AFG1L: variants seen among roughly 807,000 people sequenced by gnomAD.
AFG1L encodes the protein AFG1 like ATPase.
In AFG1L, 53 loss-of-function variants were observed where a neutral mutation model predicts 62.2. The ratio of observed to expected loss-of-function variants is 0.85; its 90% CI spans 0.68 to 1.07. The LOEUF (loss-of-function observed/expected upper bound fraction) is 1.07, where lower values mean the gene tolerates loss of function less well. Ranked by LOEUF, AFG1L falls within the 50% of genes least tolerant of loss-of-function variation. The pLI is 0.00. For synonymous variants in AFG1L, 228 were observed against 210.3 expected (o/e 1.08, Z -0.73); for missense variants, 555 against 590.5 (o/e 0.94, Z 0.62).
intron 10 of AFG1L, among the ~76,000 whole-genome samples, chr6:108,483,820 C>G (rs1773419802): frequency 6.6e-6 from 1 of 152,188 alleles, no homozygotes; most frequent in Non-Finnish European, 1.5e-5. Flanking sequence ...GAAAGCCCAT[C>G]ACATAAGTGT....
chr6:108,347,330 G>T (rs1778903396), intron 3 of AFG1L, among the ~76,000 whole-genome samples: 1 of 152,066 alleles, frequency 6.6e-6, no homozygotes, highest in Non-Finnish European at 1.5e-5. Context: ...CTACAGATAG[G>T]TTATTAGACA....
At chr6:108,492,660 A>G (rs77082672) in intron 10 of AFG1L, among the ~76,000 whole-genome samples, 1 of 152,196 alleles carries the variant, frequency 6.6e-6, no homozygotes, top group African/African-American at 2.4e-5. Flanking sequence ...GAGTTATTAC[A>G]ACATTATTTT....
intron 3 of AFG1L, among the ~76,000 whole-genome samples, chr6:108,349,013 G>A (rs1345404815): frequency 2.6e-5 from 4 of 152,124 alleles, no homozygotes; most frequent in Non-Finnish European, 5.9e-5. Context: ...TCATCTGAGT[G>A]TTTGAAAGCA....
intron 1 of AFG1L, among the ~76,000 whole-genome samples, chr6:108,298,940 G>A (rs1048034516): frequency 2.0e-5 from 3 of 152,004 alleles, no homozygotes; most frequent in African/African-American, 7.2e-5. Context: ...GCTGAGGGAG[G>A]GAATTCAGAG....
chr6:108,510,635 C>T (rs1441414835), intron 11 of AFG1L, among the ~76,000 whole-genome samples: 1 of 152,230 alleles, frequency 6.6e-6, no homozygotes, highest in African/African-American at 2.4e-5. Context: ...GTAAAGCTCC[C>T]ATCACAAGAC....
At chr6:108,458,379 C>A (rs1196614967) in intron 8 of AFG1L, among the ~76,000 whole-genome samples, 1 of 151,892 alleles carries the variant, frequency 6.6e-6, no homozygotes, top group Non-Finnish European at 1.5e-5. Context: ...TGGGTAGTTT[C>A]TTTTGCAGTG....
chr6:108,359,118 A>C (rs1459659417), intron 5 of AFG1L: 1 of 152,224 alleles, frequency 6.6e-6, no homozygotes. Flanking sequence ...TCCTTATACC[A>C]ACATAGTCGT....
intron 5 of AFG1L, among the ~76,000 whole-genome samples, chr6:108,361,155 T>C (rs1055874721): frequency 1.3e-5 from 2 of 152,248 alleles, no homozygotes; most frequent in African/African-American, 4.8e-5. Context: ...GAAACTTGTT[T>C]ATACTGGCAT....
chr6:108,344,319 G>A lies in AFG1L; in HGVS notation c.364-2669G>A, dbSNP rs142151732. ...GAAGAGACAGGGTTTGACCATGTTG[G>A]CCAGGCTGGTCTTGAACTCCTGACC... On this transcript the variant is annotated intron_variant, in intron 2 of 12. Transcript: ENST00000368977. 1.1e-4 allele frequency among the ~76,000 whole-genome samples: 16 copies of A among 152,214 alleles called. No individual in the cohort carries two copies. In the East Asian group the frequency reaches 2.9e-3, roughly 28 times the overall value.
intron 8 of AFG1L, among the ~76,000 whole-genome samples, chr6:108,462,444 G>A (rs1394156728): frequency 1.3e-5 from 2 of 152,044 alleles, no homozygotes; most frequent in Non-Finnish European, 2.9e-5. Flanking sequence ...TCACAAAATT[G>A]TACATTTGGT....
intron 6 of AFG1L, among the ~76,000 whole-genome samples, chr6:108,398,451 T>G (rs1781411245): frequency 6.6e-6 from 1 of 152,212 alleles, no homozygotes; most frequent in South Asian, 2.1e-4. Context: ...CAGAAGCTTT[T>G]TAACCTGATG....
intron 11 of AFG1L, among the ~76,000 whole-genome samples, chr6:108,516,634 G>A (rs1774906231): frequency 6.6e-6 from 1 of 152,164 alleles, no homozygotes; most frequent in Non-Finnish European, 1.5e-5. Context: ...TCAACATAGT[G>A]TTGGAAGTTC....
intron 7 of AFG1L, among the ~76,000 whole-genome samples, chr6:108,435,008 G>A (rs534004965): frequency 1.3e-5 from 2 of 152,178 alleles, no homozygotes; most frequent in Non-Finnish European, 2.9e-5. Flanking sequence ...ATCCTGTTCT[G>A]ATTCTTAACC....
At chr6:108,511,260 G>GCT (rs1049486656) in intron 11 of AFG1L, among the ~76,000 whole-genome samples, 4 of 151,986 alleles carry the variant, frequency 2.6e-5, no homozygotes, top group African/African-American at 4.8e-5. Context: ...GAATATTGAA[G>GCT]CTCTCTCTCT....
intron 1 of AFG1L, among the ~76,000 whole-genome samples, chr6:108,304,718 T>G (rs1274363042): frequency 1.3e-5 from 2 of 152,240 alleles, no homozygotes; most frequent in Non-Finnish European, 2.9e-5. Context: ...CCTTATATAG[T>G]TTTGATTTCA....
At chr6:108,425,418 G>A (rs1328712706) in intron 7 of AFG1L, among the ~76,000 whole-genome samples, 2 of 150,862 alleles carry the variant, frequency 1.3e-5, no homozygotes, top group South Asian at 2.1e-4. Flanking sequence ...AATAGTGTAT[G>A]TGTGTGTGTG....
chr6:108,437,204 G>C (rs886229318), intron 7 of AFG1L, among the ~76,000 whole-genome samples: 5 of 152,086 alleles, frequency 3.3e-5, no homozygotes, highest in Non-Finnish European at 5.9e-5. Context: ...CAAATATTTA[G>C]ACCATAGCAG....
intron 2 of AFG1L, among the ~76,000 whole-genome samples, chr6:108,328,290 ATGT>A (rs1295188681): frequency 4.6e-5 from 7 of 152,216 alleles, no homozygotes; most frequent in Non-Finnish European, 8.8e-5. Flanking sequence ...AGGAAACAAC[ATGT>A]TGTACTCAAC....
chr6:108,403,065 C>T (rs778563699), intron 7 of AFG1L, among the ~76,000 whole-genome samples: 2 of 152,040 alleles, frequency 1.3e-5, no homozygotes, highest in Admixed American at 1.3e-4. Context: ...TAAGAACCTA[C>T]TATGTACAAT....
Sources: allele counts gnomAD v4.1 joint callset (sites outside exome capture counted in the v4.1 genomes callset), GRCh38; gene constraint gnomAD v4.1.1; transcripts MANE v1.5; gene names NCBI Gene and HGNC (gene_info 2026-07-23, HGNC 2026-07-21).